The following DLG2 variants were observed in gnomAD, a reference collection of about 807,000 sequenced individuals.
DLG2 encodes the protein discs large MAGUK scaffold protein 2, also known as disks large homolog 2.
DLG2 carries 45 observed loss-of-function variants against 132.5 expected under a neutral mutation model. The ratio of observed to expected loss-of-function variants is 0.34; its 90% CI spans 0.27 to 0.44. The LOEUF is 0.44. Among genes scored for constraint, DLG2 ranks in the 20% least tolerant of loss-of-function variants. DLG2 has a pLI of 1.00. For missense variants in DLG2, 1,045 were observed against 1,196.9 expected (o/e 0.87, Z 1.87); for synonymous variants, 424 against 419.6 (o/e 1.01, Z -0.13).
chr11:83,863,703 T>C lies in DLG2; in HGVS notation c.1565+10717A>G, dbSNP rs139865608. On this transcript the variant is annotated intron_variant, in intron 16 of 27. Coordinates refer to ENST00000376104, the MANE Select transcript of DLG2 (RefSeq NM_001142699.3). Reference sequence around the variant, plus strand: ...ATGTAGCAGATATTAATCTCCACTTTTAGATTAAAGAAACAGAGACTCAGA... The same window carrying C: ...ATGTAGCAGATATTAATCTCCACTTCTAGATTAAAGAAACAGAGACTCAGA... Among the ~76,000 whole-genome samples the C allele has an allele frequency of 2.2e-4, 34 of 152,222 alleles. 3 individuals are homozygous for C. The highest frequency in any genetic ancestry group is 7.9e-4 in the African/African-American group (33 of 41,540).
At chr11:84,566,720 A>G (rs1272246422) in intron 6 of DLG2, among the ~76,000 whole-genome samples, 1 of 152,200 alleles carries the variant, frequency 6.6e-6, no homozygotes, top group East Asian at 1.9e-4. Context: ...GTGGTTTCAG[A>G]AAAGCACAGC....
At chr11:85,604,474 T>C (rs954059621) in intron 2 of DLG2, among the ~76,000 whole-genome samples, 2 of 152,180 alleles carry the variant, frequency 1.3e-5, no homozygotes, top group African/African-American at 4.8e-5. Context: ...TCTCCATAAA[T>C]TGAATAAAGT....
At chr11:83,502,262 C>T (rs1480916664) in intron 21 of DLG2, among the ~76,000 whole-genome samples, 5 of 152,064 alleles carry the variant, frequency 3.3e-5, no homozygotes, top group Non-Finnish European at 7.4e-5. Context: ...CTAGGAGTCA[C>T]AAGCCAAGAT....
intron 7 of DLG2, among the ~76,000 whole-genome samples, chr11:84,354,136 A>G (rs142923410): frequency 6.6e-6 from 1 of 152,316 alleles, no homozygotes; most frequent in African/African-American, 2.4e-5. Flanking sequence ...ATTCCACAAT[A>G]CAGTATTTTT....
chr11:84,209,571 T>C (rs2096723152), intron 8 of DLG2, among the ~76,000 whole-genome samples: 1 of 151,956 alleles, frequency 6.6e-6, no homozygotes, highest in Non-Finnish European at 1.5e-5. Flanking sequence ...AGAAATTCTC[T>C]TTCCTATTTT....
At chr11:84,812,962 T>G (rs1162488769) in intron 6 of DLG2, among the ~76,000 whole-genome samples, 1 of 152,094 alleles carries the variant, frequency 6.6e-6, no homozygotes, top group Non-Finnish European at 1.5e-5. Flanking sequence ...CAAACGGAGC[T>G]GAAATTTTCC....
intron 4 of DLG2, among the ~76,000 whole-genome samples, chr11:85,254,083 G>A (rs1448067299): frequency 6.6e-6 from 1 of 152,162 alleles, no homozygotes; most frequent in African/African-American, 2.4e-5. Context: ...TTCTCACTTT[G>A]GGCCACAGTG....
intron 6 of DLG2, among the ~76,000 whole-genome samples, chr11:84,834,985 T>C (rs1025280996): frequency 1.3e-5 from 2 of 151,666 alleles, no homozygotes; most frequent in Non-Finnish European, 1.5e-5. Context: ...AGACTTCTCA[T>C]TGACTTTAGT....
Position 85,563,320 on chromosome 11 carries a change from G to C in DLG2, c.40+35337C>G, listed in dbSNP as rs565680417. On this transcript the variant is annotated intron_variant, in intron 3 of 27. Transcript: ENST00000376104. ...TAACCAACACAACAATCAAGATATA[G>C]AGCATTTCCATAACTCCAAGAGTTG... Among the ~76,000 whole-genome samples the C allele has an allele frequency of 4.1e-4, 62 of 151,602 alleles. 3 individuals are homozygous for C. The South Asian group carries it at 6.9e-3, about 17-fold the overall frequency.
At chr11:84,531,033 T>G (rs562763636) in intron 7 of DLG2, among the ~76,000 whole-genome samples, 33 of 152,046 alleles carry the variant, frequency 2.2e-4, no homozygotes, top group Non-Finnish European at 4.1e-4. Context: ...GGAGAATCAC[T>G]TGAACCTGGG....
At chr11:83,644,710 T>C (rs1481589406) in intron 18 of DLG2, among the ~76,000 whole-genome samples, 1 of 152,112 alleles carries the variant, frequency 6.6e-6, no homozygotes, top group Non-Finnish European at 1.5e-5. Context: ...TTTAGTTACT[T>C]CCATGACTCA....
intron 4 of DLG2, among the ~76,000 whole-genome samples, chr11:85,264,340 C>T (rs1310017531): frequency 6.6e-6 from 1 of 152,134 alleles, no homozygotes; most frequent in Non-Finnish European, 1.5e-5. Flanking sequence ...TACAAATGGC[C>T]AGCTTAAGCC....
chr11:84,421,269 G>A (rs190315237), intron 7 of DLG2, among the ~76,000 whole-genome samples: 1 of 152,240 alleles, frequency 6.6e-6, no homozygotes, highest in East Asian at 1.9e-4. Flanking sequence ...CCAGTTTATG[G>A]TATTTTGTTA....
chr11:85,256,058 A>G (rs951307275), intron 4 of DLG2, among the ~76,000 whole-genome samples: 1 of 152,164 alleles, frequency 6.6e-6, no homozygotes, highest in African/African-American at 2.4e-5. Context: ...CAAAGGCCCA[A>G]CCTCCAGGCC....
chr11:84,503,360 A>C (rs1413801953), intron 7 of DLG2, among the ~76,000 whole-genome samples: 1 of 152,196 alleles, frequency 6.6e-6, no homozygotes, highest in African/African-American at 2.4e-5. Context: ...TCCCTAGATT[A>C]CATTTTGGGG....
At chr11:84,083,596 T>C (rs1230827229) in intron 10 of DLG2, among the ~76,000 whole-genome samples, 5 of 152,190 alleles carry the variant, frequency 3.3e-5, no homozygotes, top group African/African-American at 9.6e-5. Context: ...TGGTTAGTTA[T>C]TTAGAGAGAA....
intron 11 of DLG2, among the ~76,000 whole-genome samples, chr11:84,018,435 A>C (rs7125494): frequency 0.022 from 3,405 of 152,142 alleles, 131 homozygotes; most frequent in African/African-American, 0.077. Flanking sequence ...CTACAACTAT[A>C]ATAAATGAGG....
intron 5 of DLG2, among the ~76,000 whole-genome samples, chr11:85,112,307 A>G (rs1287783472): frequency 6.6e-6 from 1 of 152,040 alleles, no homozygotes; most frequent in East Asian, 1.9e-4. Context: ...ATTCTAAACC[A>G]TTTTCCAGGC....
chr11:85,541,308 A>G (rs181511980), intron 3 of DLG2, among the ~76,000 whole-genome samples: 62 of 152,140 alleles, frequency 4.1e-4, no homozygotes, highest in African/African-American at 1.4e-3. Context: ...GATCACTTCT[A>G]TTTATATACT....
Sources: allele counts gnomAD v4.1 joint callset (sites outside exome capture counted in the v4.1 genomes callset), GRCh38; gene constraint gnomAD v4.1.1; transcripts MANE v1.5; gene names NCBI Gene and HGNC (gene_info 2026-07-23, HGNC 2026-07-21).